The following GABPB2 variants were observed in gnomAD, a reference collection of about 807,000 sequenced individuals.
GABPB2 encodes the protein GA-binding protein subunit beta-2.
Under a neutral mutation model 39.1 loss-of-function variants are expected in GABPB2, and 23 were observed. The observed-to-expected ratio is 0.59, with a 90% CI of 0.42 to 0.83. The LOEUF (loss-of-function observed/expected upper bound fraction) is 0.83. Among genes scored for constraint, GABPB2 ranks in the 40% least tolerant of loss-of-function variants. GABPB2 has a pLI of 0.00. For missense variants in GABPB2, 467 were observed against 541.1 expected (o/e 0.86, Z 1.36); for synonymous variants, 184 against 199.3 (o/e 0.92, Z 0.65).
intron 7 of GABPB2, among the ~76,000 whole-genome samples, chr1:151,114,070 G>T (rs1680665882): frequency 6.6e-6 from 1 of 151,910 alleles, no homozygotes; most frequent in South Asian, 2.1e-4. Context: ...AACTGGCTGG[G>T]CACAGTGGCT....
intron 3 of GABPB2, among the ~76,000 whole-genome samples, chr1:151,091,507 C>T (rs1678708557): frequency 7.4e-6 from 1 of 134,240 alleles, no homozygotes; most frequent in African/African-American, 2.7e-5. Context: ...TGAAGTCTCG[C>T]ACTATCGCCC....
At chr1:151,088,966 C>T (rs761603945) in intron 2 of GABPB2, among the ~76,000 whole-genome samples, 2 of 149,464 alleles carry the variant, frequency 1.3e-5, no homozygotes, top group Non-Finnish European at 3.0e-5. Flanking sequence ...CACCATTGCA[C>T]TACAGCTTGG....
rs1289541660 is a variant in GABPB2, at chr1:151,107,156, C to A, written c.856C>A (p.Gln286Lys). ...VTDGVPLGNI[Q>K]TSIPTGGIGQ... ...TGATGGAGTCCCTCTGGGTAATATC[C>A]AAACTTCAATCCCTACTGGAGGCAT... Residue 286 changes from glutamine to lysine, a missense_variant, in exon 7 of 9, where the codon CAA becomes AAA. Physicochemically the swap from Gln to Lys is moderately conservative, Grantham distance 53 (BLOSUM62 1). Coordinates refer to ENST00000368918, the MANE Select transcript of GABPB2 (RefSeq NM_144618.3). 1 of 1,613,118 alleles carries A rather than the reference C, an allele frequency of 6.2e-7. No homozygotes were observed. The highest frequency in any genetic ancestry group is 1.1e-5 in the South Asian group (1 of 90,868).
intron 6 of GABPB2, among the ~76,000 whole-genome samples, chr1:151,105,728 C>T (rs935258277): frequency 2.0e-5 from 3 of 152,038 alleles, no homozygotes; most frequent in Non-Finnish European, 2.9e-5. Flanking sequence ...TGGTCTTCAA[C>T]TCCCAGCCTC....
intron 6 of GABPB2, among the ~76,000 whole-genome samples, chr1:151,105,627 C>T (rs1237312386): frequency 2.0e-5 from 3 of 151,544 alleles, no homozygotes; most frequent in African/African-American, 7.3e-5. Flanking sequence ...GATCCTCCCA[C>T]ATCAGCCTCC....
chr1:151,092,226 C>T (rs1013379329), intron 3 of GABPB2, among the ~76,000 whole-genome samples: 1 of 151,024 alleles, frequency 6.6e-6, no homozygotes, highest in African/African-American at 2.4e-5. Flanking sequence ...CCTGCCTCAG[C>T]CTCCGGAGTA....
chr1:151,072,771 C>T (rs1383632138), intron 1 of GABPB2, among the ~76,000 whole-genome samples: 3 of 152,124 alleles, frequency 2.0e-5, no homozygotes, highest in Non-Finnish European at 4.4e-5. Context: ...GGCTTGAACC[C>T]AGCAGGCAGA....
At chr1:151,099,005 A>T (rs1335786615) in intron 5 of GABPB2, among the ~76,000 whole-genome samples, 3 of 149,688 alleles carry the variant, frequency 2.0e-5, no homozygotes, top group Non-Finnish European at 4.4e-5. Flanking sequence ...AATCGCTTGA[A>T]CCTGGAAGGC....
At chr1:151,074,448 C>G (rs1275865328) in intron 1 of GABPB2, among the ~76,000 whole-genome samples, 1 of 149,210 alleles carries the variant, frequency 6.7e-6, no homozygotes, top group Non-Finnish European at 1.5e-5. Flanking sequence ...ATAGCTGGGA[C>G]TGCAGGCCCC....
chr1:151,083,720 AT>A (rs1677917691), intron 1 of GABPB2, among the ~76,000 whole-genome samples: 1 of 150,410 alleles, frequency 6.6e-6, no homozygotes, highest in African/African-American at 2.4e-5. Flanking sequence ...CACTTTGTTC[AT>A]TTTTTATTTT....
At position 151,097,855 on chromosome 1, in the gene GABPB2, G is replaced by A; in HGVS notation, c.475G>A (p.Ala159Thr). The A allele has an allele frequency of 1.2e-6, 2 of 1,613,314 alleles. No individual in the cohort carries two copies. Among genetic ancestry groups the A allele is most frequent in the Non-Finnish European group, 8.5e-7 (1 of 1,179,450 alleles). ...AATATCCTGCCTTGTTTGATAGGAA[G>A]CAATGCAGAATCAGGTGAATGTTAA... ...NAEILVILQE[A>T]MQNQVNVNPE... Residue 159 changes from alanine (A) to threonine (T), a missense_variant, in exon 5 of 9, where the codon GCA becomes ACA. Ala to Thr is a moderately conservative substitution (Grantham distance 58, BLOSUM62 0). Coordinates refer to ENST00000368918, the MANE Select transcript of GABPB2 (RefSeq NM_144618.3).
chr1:151,109,364 A>ATTTTTTTTTT (rs56324886), intron 7 of GABPB2, among the ~76,000 whole-genome samples: 1 of 112,394 alleles, frequency 8.9e-6, no homozygotes, highest in African/African-American at 3.4e-5. Flanking sequence ...ATATATATAT[A>ATTTTTTTTTT]TTTTTTTTTT....
In GABPB2 at chr1:151,086,850, G is replaced by GTA. The variant is rs895560997; in HGVS notation, c.1-1332_1-1331dup. ...GCCCAGCTAATTTTTGTATTTTTTT[G>GTA]TATATATATTTTTTATTTTTTCGAG... On this transcript the variant is annotated intron_variant, in intron 1 of 8. Coordinates refer to ENST00000368918, the MANE Select transcript of GABPB2 (RefSeq NM_144618.3). Among the ~76,000 whole-genome samples, 61 of 151,188 alleles carry GTA rather than the reference G, an allele frequency of 4.0e-4. 2 individuals carry two copies. The Middle Eastern group carries it at 0.01, about 25-fold the overall frequency.
At chr1:151,084,285 C>T (rs587707324) in intron 1 of GABPB2, among the ~76,000 whole-genome samples, 6 of 151,378 alleles carry the variant, frequency 4.0e-5, no homozygotes, top group South Asian at 2.1e-4. Context: ...AGTGCAATGG[C>T]GGGATCTCGG....
At chr1:151,079,864 C>T (rs1291269893) in intron 1 of GABPB2, among the ~76,000 whole-genome samples, 11 of 151,212 alleles carry the variant, frequency 7.3e-5, no homozygotes, top group Non-Finnish European at 1.5e-4. Flanking sequence ...CCATTGCACT[C>T]TAGCCTGCGT....
intron 1 of GABPB2, among the ~76,000 whole-genome samples, chr1:151,084,597 C>T (rs1009049896): frequency 1.4e-5 from 2 of 138,686 alleles, no homozygotes; most frequent in African/African-American, 5.5e-5. Context: ...TGCAGTGGCG[C>T]AGTCTCGGCT....
At chr1:151,081,264 G>A (rs587739550) in intron 1 of GABPB2, among the ~76,000 whole-genome samples, 6 of 151,788 alleles carry the variant, frequency 4.0e-5, no homozygotes, top group South Asian at 2.1e-4. Context: ...TGAGGCCAGC[G>A]GATCACTTGA....
rs1239440121 is a variant in GABPB2, at chr1:151,093,261, CA to C, written c.347del (p.His116LeufsTer5). ...TALHWATERH[H>X]RDVVELLIKY... is the part of the protein sequence containing the mutation. ...TTTGCATTGGGCCACAGAGCGCCAC[CA>C]TCGAGATGTCGTAGAGTTACTTATC... On this transcript the variant is annotated frameshift_variant, in exon 4 of 9. Transcript: ENST00000368918. LOFTEE classifies it high-confidence loss of function. 1 of 1,611,944 alleles carries C rather than the reference CA, an allele frequency of 6.2e-7. No individual in the cohort carries two copies. Among genetic ancestry groups the C allele is most frequent in the East Asian group, 2.2e-5 (1 of 44,704 alleles).
Position 151,109,186 on chromosome 1 carries a change from A to G in GABPB2, c.922+1964A>G, listed in dbSNP as rs1054357761. Among the ~76,000 whole-genome samples, 11 of 151,504 alleles carry G rather than the reference A, an allele frequency of 7.3e-5. No individual in the cohort carries two copies. The Admixed American group carries it at 7.3e-4, about 10-fold the overall frequency. ...TCCAGCCTGGGCAACAGAGCAAAACATTGTCTCTAAAAAATAAAAATGTAT... is the reference window on the plus strand; with the variant it reads ...TCCAGCCTGGGCAACAGAGCAAAACGTTGTCTCTAAAAAATAAAAATGTAT... On this transcript the variant is annotated intron_variant, in intron 7 of 8. Transcript: ENST00000368918.
Sources: gnomAD v4.1 joint callset for allele counts (sites outside exome capture counted in the v4.1 genomes callset) on GRCh38, gnomAD v4.1.1 for gene constraint, MANE v1.5 for transcripts, NCBI Gene and HGNC (gene_info 2026-07-23, HGNC 2026-07-21) for gene names.